Variants in FBXW10 observed in about 807,000 individuals in gnomAD.
FBXW10 encodes the protein F-box/WD repeat-containing protein 10.
FBXW10 carries 68 observed loss-of-function variants against 113.1 expected under a neutral mutation model. The observed-to-expected ratio is 0.60, with a 90% CI of 0.49 to 0.74. The LOEUF is 0.74. FBXW10 is among the 30% of genes least tolerant of loss of function. The pLI is 0.00. For synonymous variants in FBXW10, 289 were observed against 481.6 expected (o/e 0.60, Z 5.24); for missense variants, 753 against 1,284.5 (o/e 0.59, Z 6.32).
In FBXW10 at chr17:18,778,017, G is replaced by A. The variant is rs929112634; in HGVS notation, c.2336-458G>A. On this transcript the variant is annotated intron_variant, in intron 13 of 13. Coordinates refer to ENST00000395665, the MANE Select transcript of FBXW10 (RefSeq NM_001267585.2). ...TGTAATCCCAGCACTTTGGGAGGCC[G>A]AGGCGGGTGGATCACGAGGTCAGGA... 3.3e-5 allele frequency among the ~76,000 whole-genome samples: 5 copies of A among 151,622 alleles called. No homozygotes were observed. The East Asian group carries it at 7.9e-4, about 24-fold the overall frequency.
intron 12 of FBXW10, among the ~76,000 whole-genome samples, chr17:18,774,129 G>T (rs62075096): frequency 7.0e-6 from 1 of 142,250 alleles, no homozygotes; most frequent in African/African-American, 2.6e-5. Context: ...CACAAGGGGA[G>T]TTGCTTAACA....
chr17:18,762,812 G>A (rs2064295491), intron 7 of FBXW10, among the ~76,000 whole-genome samples: 2 of 150,020 alleles, frequency 1.3e-5, no homozygotes, highest in South Asian at 4.3e-4. Flanking sequence ...TTATGACTTT[G>A]GCTTATACCT....
intron 12 of FBXW10, among the ~76,000 whole-genome samples, chr17:18,773,474 T>C (rs2035652936): frequency 6.6e-6 from 1 of 152,170 alleles, no homozygotes; most frequent in African/African-American, 2.4e-5. Context: ...AAATCTTACG[T>C]ATAAAGCAGG....
intron 7 of FBXW10, 119 bp from the exon 8 acceptor site, chr17:18,764,623 T>C (rs2035450904): frequency 2.7e-6 from 4 of 1,506,100 alleles, no homozygotes; most frequent in Non-Finnish European, 1.8e-6. Flanking sequence ...CCCCTGACTC[T>C]AAGCTGAACC....
rs1381384713 is a variant in FBXW10, at chr17:18,766,745, G to C, written c.1587G>C (p.Lys529Asn). Residue 529 changes from lysine (K) to asparagine (N), a missense_variant, in exon 9 of 14, where the codon AAG becomes AAC. Transcript: ENST00000395665. ...ATGTAGACACAGGGAAGTGCCTGAA[G>C]ACGTTTAGACACAAAGACCCCATCT... ...VWDVDTGKCLKTFRHKDPILA... is the reference protein window; with the variant it reads ...VWDVDTGKCLNTFRHKDPILA... The C allele has an allele frequency of 6.2e-7, 1 of 1,613,680 alleles. No individual in the cohort carries two copies. The highest frequency in any genetic ancestry group is 8.5e-7 in the Non-Finnish European group (1 of 1,179,712).
chr17:18,756,737 T>C (rs115378294), intron 6 of FBXW10, among the ~76,000 whole-genome samples: 11,774 of 152,274 alleles, frequency 0.077, 527 homozygotes, highest in South Asian at 0.12. Context: ...CATTTCAATA[T>C]GCTGAGAGAC....
At chr17:18,763,700 T>G (rs2035431713) in intron 7 of FBXW10, among the ~76,000 whole-genome samples, 1 of 152,180 alleles carries the variant, frequency 6.6e-6, no homozygotes, top group Non-Finnish European at 1.5e-5. Flanking sequence ...AAACAGATAA[T>G]TCATCTTTGC....
rs577329970 is a variant in FBXW10 at position 18,747,116 on chromosome 17, C to T, written c.506-825C>T. Among the ~76,000 whole-genome samples the T allele has an allele frequency of 2.7e-3, 418 of 152,032 alleles. 1 individual carries two copies. Among genetic ancestry groups the T allele is most frequent in the Non-Finnish European group, 4.2e-3 (287 of 67,946 alleles). ...ATTTTTTTTGTATTTCTAATAGAGA[C>T]GGGGTTTCACCGTGTTAGCCCGGAT... On this transcript the variant is annotated intron_variant, in intron 1 of 13. Coordinates refer to ENST00000395665, the MANE Select transcript of FBXW10 (RefSeq NM_001267585.2).
At chr17:18,754,280 A>G (rs1184861751) in intron 5 of FBXW10, among the ~76,000 whole-genome samples, 2 of 152,128 alleles carry the variant, frequency 1.3e-5, no homozygotes, top group Admixed American at 6.6e-5. Flanking sequence ...AGGGCCAATG[A>G]ATTCTCACCT....
chr17:18,744,287 C>T lies in FBXW10; in HGVS notation c.43C>T (p.Arg15Cys), dbSNP rs1244074733. Residue 15 changes from arginine (R) to cysteine (C), a missense_variant, in exon 1 of 14, where the codon CGT (arginine) becomes TGT (cysteine). Transcript: ENST00000395665. ...AAGGCTCAAGAATGCCCCCTATTTT[C>T]GTTGTGAGAAGGGAACCGATTCCAT... ...ESRLKNAPYFRCEKGTDSIPL... is the reference protein window; with the variant it reads ...ESRLKNAPYFCCEKGTDSIPL... The T allele has an allele frequency of 1.4e-5, 22 of 1,611,702 alleles. No individual in the cohort carries two copies. The highest frequency in any genetic ancestry group is 1.7e-5 in the Non-Finnish European group (20 of 1,179,272).
chr17:18,753,060 C>G (rs768040976), intron 5 of FBXW10, among the ~76,000 whole-genome samples: 1 of 152,158 alleles, frequency 6.6e-6, no homozygotes, highest in South Asian at 2.1e-4. Flanking sequence ...GGACAAACAC[C>G]GCCACTTTAA....
In FBXW10 at chr17:18,767,227, C is replaced by T. The variant is rs187048266; in HGVS notation, c.1704+365C>T. On this transcript the variant is annotated intron_variant, in intron 9 of 13. Transcript: ENST00000395665. ...GTGGCTCACACCTGTAATCCCAGCACTTTGGGAGGCCGAGGCAGGCGGATC... is the reference window on the plus strand; with the variant it reads ...GTGGCTCACACCTGTAATCCCAGCATTTTGGGAGGCCGAGGCAGGCGGATC... Among the ~76,000 whole-genome samples, 1,346 of 152,096 alleles carry T rather than the reference C, an allele frequency of 8.8e-3. 10 individuals carry two copies. Among genetic ancestry groups the T allele is most frequent in the Middle Eastern group, 0.024 (7 of 294 alleles).
At chr17:18,761,779 G>A (rs1471501228) in intron 7 of FBXW10, among the ~76,000 whole-genome samples, 6 of 152,060 alleles carry the variant, frequency 3.9e-5, no homozygotes, top group Non-Finnish European at 8.8e-5. Context: ...CTTAATGCCT[G>A]TACAGTTATA....
chr17:18,768,014 C>CCTTCTTTCCTTT (rs2035531931), intron 9 of FBXW10, among the ~76,000 whole-genome samples: 1 of 111,722 alleles, frequency 9.0e-6, no homozygotes, highest in Non-Finnish European at 2.0e-5. Context: ...TCTTTTCCTT[C>CCTTCTTTCCTTT]CTTCCTTCCT....
chr17:18,772,261 C>T, intron 11 of FBXW10, 151 bp from the exon 12 acceptor site: 1 of 703,976 alleles, frequency 1.4e-6, no homozygotes, highest in South Asian at 1.9e-5. Flanking sequence ...TCACCACTCT[C>T]CACCCTCCAG....
chr17:18,751,472 C>T (rs1225883952), intron 5 of FBXW10, among the ~76,000 whole-genome samples: 9 of 152,296 alleles, frequency 5.9e-5, no homozygotes, highest in Middle Eastern at 3.4e-3. Context: ...CCTTGTGATC[C>T]TCCCGCCTCG....
intron 5 of FBXW10, among the ~76,000 whole-genome samples, chr17:18,751,429 A>G (rs929888697): frequency 5.9e-5 from 9 of 151,602 alleles, no homozygotes; most frequent in African/African-American, 2.2e-4. Flanking sequence ...GCGGGGTTTC[A>G]CCGTGTTAGC....
At chr17:18,764,200 C>CT (rs140032131) in intron 7 of FBXW10, among the ~76,000 whole-genome samples, 23,844 of 116,618 alleles carry the variant, frequency 0.2, 3,017 homozygotes, top group African/African-American at 0.31. Context: ...TGTAAATACT[C>CT]TTTTTTTTTT....
At chr17:18,761,948 T>C (rs968624973) in intron 7 of FBXW10, among the ~76,000 whole-genome samples, 3 of 152,130 alleles carry the variant, frequency 2.0e-5, no homozygotes, top group Admixed American at 1.3e-4. Context: ...TGTTTCATAA[T>C]TGGTTTTTCT....
Sources: gnomAD v4.1 joint callset for allele counts (sites outside exome capture counted in the v4.1 genomes callset) on GRCh38, gnomAD v4.1.1 for gene constraint, MANE v1.5 for transcripts, NCBI Gene and HGNC (gene_info 2026-07-23, HGNC 2026-07-21) for gene names.